The following SKAP2 variants were observed in gnomAD, a reference collection of about 807,000 sequenced individuals.
SKAP2 encodes src kinase-associated phosphoprotein 2.
SKAP2 carries 28 observed loss-of-function variants against 54.9 expected under a neutral mutation model. The ratio of observed to expected loss-of-function variants is 0.51; its 90% CI spans 0.38 to 0.70. SKAP2 has a LOEUF of 0.70. Ranked by LOEUF, SKAP2 falls within the 30% of genes least tolerant of loss-of-function variation. The probability of loss-of-function intolerance (pLI) is 0.00; values close to 1 mark genes in which losing one functional copy is unlikely to be tolerated. For missense variants in SKAP2, 356 were observed against 424.1 expected, an observed-to-expected ratio of 0.84 and a Z score of 1.41; for synonymous variants, 137 against 134.3, an observed-to-expected ratio of 1.02 and a Z score of -0.14.
At position 26,726,902 on chromosome 7, in the gene SKAP2, G is replaced by A; in HGVS notation, c.574C>T (p.Pro192Ser). The change falls in exon 7 of 13, where the codon CCT becomes TCT. Residue 192 changes from proline (P) to serine (S), a missense_variant. By Grantham distance (74) the Pro-to-Ser change is moderately conservative. Coordinates refer to ENST00000345317, the MANE Select transcript of SKAP2 (RefSeq NM_003930.5). ...KKDCCFEISAPDKRIYQFTAA... is the reference protein window; with the variant it reads ...KKDCCFEISASDKRIYQFTAA... ...ACAACCTGATATATACGTTTATCAG[G>A]AGCAGAGATTTCAAAACAGCAATCT... 1 of 1,609,608 alleles carries A rather than the reference G, an allele frequency of 6.2e-7. No individual in the cohort carries two copies. The highest frequency in any genetic ancestry group is 8.5e-7 in the Non-Finnish European group (1 of 1,177,792).
At chr7:26,664,087 T>G (rs1226317344), downstream of SKAP2, among the ~76,000 whole-genome samples, 1 of 152,146 alleles carries the variant, frequency 6.6e-6, no homozygotes, top group Non-Finnish European at 1.5e-5. Context: ...ATGCAAAGAA[T>G]CCAAATAAGC....
At chr7:26,665,727 A>G (rs1475946369), downstream of SKAP2, among the ~76,000 whole-genome samples, 1 of 152,192 alleles carries the variant, frequency 6.6e-6, no homozygotes, top group Non-Finnish European at 1.5e-5. Flanking sequence ...ATAGTATGCT[A>G]TCAGAGGTTC....
At chr7:26,731,217 C>T (rs1787818835) in intron 6 of SKAP2, among the ~76,000 whole-genome samples, 1 of 152,248 alleles carries the variant, frequency 6.6e-6, no homozygotes, top group Middle Eastern at 3.4e-3. Flanking sequence ...TCTGCACTTG[C>T]TATATAGGAA....
In SKAP2 at chr7:26,686,452, T is replaced by C. The variant is rs1366055560; in HGVS notation, c.875-1604A>G. Among the ~76,000 whole-genome samples, 9 of 152,062 alleles carry C rather than the reference T, an allele frequency of 5.9e-5. No homozygotes were observed. In the East Asian group the frequency reaches 1.7e-3, roughly 29 times the overall value. On this transcript the variant is annotated intron_variant, in intron 10 of 12. Transcript: ENST00000345317. ...CGTACCTGCAGGGATGTACACAAGG[T>C]TGGGAATCCAACCAAGAACTAACAA...
At chr7:26,749,663 G>A (rs1348368313) in intron 4 of SKAP2, among the ~76,000 whole-genome samples, 1 of 151,658 alleles carries the variant, frequency 6.6e-6, no homozygotes, top group African/African-American at 2.4e-5. Flanking sequence ...GATAGTTTGA[G>A]TCCAGGAGTT....
chr7:26,843,066 G>A lies in SKAP2; in HGVS notation c.307+964C>T, dbSNP rs536654189. Among the ~76,000 whole-genome samples, 25 of 152,068 alleles carry A rather than the reference G, an allele frequency of 1.6e-4. No individual in the cohort carries two copies. In the East Asian group the frequency reaches 1.9e-3, roughly 12 times the overall value. The stretch of plus-strand genomic sequence containing the variant: ...TTATGCATGTACTTGACTTATCCCC[G>A]TTCTGCAACAGACATAATTTTATAC... On this transcript the variant is annotated intron_variant, in intron 4 of 12. Coordinates refer to ENST00000345317, the MANE Select transcript of SKAP2 (RefSeq NM_003930.5).
intron 11 of SKAP2, among the ~76,000 whole-genome samples, chr7:26,671,465 C>T (rs1214682812): frequency 6.6e-6 from 1 of 151,952 alleles, no homozygotes; most frequent in African/African-American, 2.4e-5. Flanking sequence ...TTCTTTAATA[C>T]AAATGTAGCA....
intron 4 of SKAP2, among the ~76,000 whole-genome samples, chr7:26,764,586 A>C (rs1353588735): frequency 6.7e-6 from 1 of 150,322 alleles, no homozygotes; most frequent in East Asian, 1.9e-4. Context: ...TTTTTCTTTT[A>C]TCTTTTTTTA....
Position 26,744,028 on chromosome 7 carries a change from A to G in SKAP2, c.308-4064T>C, listed in dbSNP as rs1054893422. Among the ~76,000 whole-genome samples the G allele has an allele frequency of 2.0e-5, 3 of 152,210 alleles. No individual in the cohort carries two copies. In the South Asian group the frequency reaches 6.2e-4, roughly 32 times the overall value. On this transcript the variant is annotated intron_variant, in intron 4 of 12. Transcript: ENST00000345317. ...TGTAGACATAGTACAGCAAGCTTCAAGTATGGATACTAGAATTTCAAAAGC... is the reference window on the plus strand; with the variant it reads ...TGTAGACATAGTACAGCAAGCTTCAGGTATGGATACTAGAATTTCAAAAGC...
intron 4 of SKAP2, among the ~76,000 whole-genome samples, chr7:26,743,989 C>A (rs1254753450): frequency 2.0e-5 from 3 of 152,050 alleles, no homozygotes; most frequent in African/African-American, 7.2e-5. Flanking sequence ...GCTTTAAAAA[C>A]AAATGGTGTA....
At chr7:26,682,783 CA>C (rs1378415865) in intron 11 of SKAP2, among the ~76,000 whole-genome samples, 4 of 152,176 alleles carry the variant, frequency 2.6e-5, no homozygotes, top group Non-Finnish European at 1.5e-5. Context: ...TCAGGCTTCA[CA>C]AATAAAATTA....
At chr7:26,803,245 T>C (rs1394110896) in intron 4 of SKAP2, among the ~76,000 whole-genome samples, 2 of 152,108 alleles carry the variant, frequency 1.3e-5, no homozygotes, top group Non-Finnish European at 2.9e-5. Flanking sequence ...GTAACCAGAC[T>C]ACATAAGGAG....
chr7:26,688,925 C>T (rs952162786), intron 10 of SKAP2, among the ~76,000 whole-genome samples: 2 of 152,152 alleles, frequency 1.3e-5, no homozygotes, highest in South Asian at 2.1e-4. Flanking sequence ...AACATATATA[C>T]TTAAACTACT....
At chr7:26,861,352 G>A (rs1401511921) in intron 1 of SKAP2, among the ~76,000 whole-genome samples, 1 of 152,032 alleles carries the variant, frequency 6.6e-6, no homozygotes, top group African/African-American at 2.4e-5. Flanking sequence ...CAATTATCCA[G>A]GCTAAACCTG....
At chr7:26,794,982 G>T (rs1489418024) in intron 4 of SKAP2, among the ~76,000 whole-genome samples, 2 of 152,162 alleles carry the variant, frequency 1.3e-5, no homozygotes, top group Non-Finnish European at 2.9e-5. Context: ...CTTGAACCTG[G>T]TGCCTTCCCT....
intron 9 of SKAP2, among the ~76,000 whole-genome samples, chr7:26,695,933 T>C (rs543520077): frequency 6.6e-6 from 1 of 152,162 alleles, no homozygotes; most frequent in South Asian, 2.1e-4. Flanking sequence ...AGTGGTAAAA[T>C]GTAAAAGATA....
At chr7:26,727,643 CA>C (rs1787736540) in intron 6 of SKAP2, among the ~76,000 whole-genome samples, 5 of 152,182 alleles carry the variant, frequency 3.3e-5, no homozygotes, top group African/African-American at 9.6e-5. Context: ...GTTTCTTATC[CA>C]GTCAGTGAAC....
intron 4 of SKAP2, among the ~76,000 whole-genome samples, chr7:26,835,924 GCTAT>G (rs1562629737): frequency 6.6e-6 from 1 of 152,024 alleles, no homozygotes; most frequent in Non-Finnish European, 1.5e-5. Flanking sequence ...GAGGCATCAC[GCTAT>G]CTGACTTCAA....
At chr7:26,851,686 G>A (rs577225011) in intron 3 of SKAP2, among the ~76,000 whole-genome samples, 2 of 150,046 alleles carry the variant, frequency 1.3e-5, no homozygotes, top group African/African-American at 4.9e-5. Flanking sequence ...TGCATGTTGT[G>A]CACATGTACC....
Sources: allele counts gnomAD v4.1 joint callset (sites outside exome capture counted in the v4.1 genomes callset), GRCh38; gene constraint gnomAD v4.1.1; transcripts MANE v1.5; gene names NCBI Gene and HGNC (gene_info 2026-07-23, HGNC 2026-07-21).